The following ULK4 variants were observed in gnomAD, a reference collection of about 807,000 sequenced individuals.
The protein encoded by ULK4 is unc-51 like kinase 4.
In ULK4, 133 loss-of-function variants were observed where a neutral mutation model predicts 160.6. The ratio of observed to expected loss-of-function variants is 0.83; its 90% CI spans 0.72 to 0.96. ULK4 has a LOEUF of 0.96. ULK4 is among the 40% of genes least tolerant of loss of function. The probability of loss-of-function intolerance (pLI) is 0.00; values close to 1 mark genes in which losing one functional copy is unlikely to be tolerated. For synonymous variants in ULK4, 534 were observed against 539.8 expected (o/e 0.99, Z 0.15); for missense variants, 1,580 against 1,499.5 (o/e 1.05, Z -0.89).
chr3:41,716,985 A>C (rs2037288125), intron 23 of ULK4, among the ~76,000 whole-genome samples: 1 of 152,140 alleles, frequency 6.6e-6, no homozygotes, highest in African/African-American at 2.4e-5. Flanking sequence ...TTATTGTGGG[A>C]GTTAAAAAAT....
chr3:41,574,902 C>G (rs1321556504), intron 31 of ULK4, among the ~76,000 whole-genome samples: 1 of 151,506 alleles, frequency 6.6e-6, no homozygotes, highest in African/African-American at 2.4e-5. Flanking sequence ...GGGCTTAAAT[C>G]TGGAAGGCTG....
intron 34 of ULK4, among the ~76,000 whole-genome samples, chr3:41,438,978 T>A (rs1253366850): frequency 1.1e-3 from 143 of 134,570 alleles, no homozygotes; most frequent in African/African-American, 3.0e-3. Flanking sequence ...CAGGAAAATT[T>A]AAAAAAAAAA....
chr3:41,900,935 A>T, intron 12 of ULK4, 106 bp from the exon 13 acceptor site: 1 of 717,448 alleles, frequency 1.4e-6, no homozygotes, highest in Non-Finnish European at 2.3e-6. Flanking sequence ...AATATCACCT[A>T]TATCAATGTA....
intron 29 of ULK4, among the ~76,000 whole-genome samples, chr3:41,669,469 G>A (rs2035458699): frequency 6.6e-6 from 1 of 152,152 alleles, no homozygotes; most frequent in Non-Finnish European, 1.5e-5. Context: ...TGTTGCCCAG[G>A]CTGGTCTCAA....
chr3:41,402,618 T>C (rs1375004275), intron 34 of ULK4, among the ~76,000 whole-genome samples: 3 of 152,222 alleles, frequency 2.0e-5, no homozygotes, highest in Admixed American at 6.5e-5. Context: ...CATATGATCG[T>C]GTAATATTTA....
chr3:41,305,870 C>A (rs1234519961), intron 35 of ULK4, among the ~76,000 whole-genome samples: 4 of 143,422 alleles, frequency 2.8e-5, no homozygotes, highest in Non-Finnish European at 6.0e-5. Context: ...CTCTGCCCCC[C>A]CGCCCCGTCT....
chr3:41,958,717 A>G (rs560380460), intron 1 of ULK4, among the ~76,000 whole-genome samples: 74 of 152,060 alleles, frequency 4.9e-4, no homozygotes, highest in Non-Finnish European at 9.6e-4. Flanking sequence ...ACTGTCTCAA[A>G]AAAAAAAAAA....
At chr3:41,672,546 G>A (rs1439624190) in intron 29 of ULK4, among the ~76,000 whole-genome samples, 1 of 152,152 alleles carries the variant, frequency 6.6e-6, no homozygotes, top group Non-Finnish European at 1.5e-5. Context: ...CACTAGGGAG[G>A]ATGTATAGGT....
At chr3:41,875,345 G>A (rs1002022368) in intron 17 of ULK4, among the ~76,000 whole-genome samples, 5 of 152,070 alleles carry the variant, frequency 3.3e-5, no homozygotes, top group African/African-American at 1.2e-4. Flanking sequence ...TTGAGCCCAG[G>A]AGTTTAAGAC....
In ULK4 at chr3:41,786,370, G is replaced by A. The variant is rs553576356; in HGVS notation, c.2193+3291C>T. Among the ~76,000 whole-genome samples the A allele has an allele frequency of 4.2e-4, 64 of 152,114 alleles. 1 individual carries two copies. The highest frequency in any genetic ancestry group is 3.6e-3 in the Admixed American group (55 of 15,272). ...TAATCCCAGCACCTTGGGAGGCTGC[G>A]ACGGGGGATCACCTGAATCCAGGAG... is the stretch of plus-strand genomic sequence containing the variant. On this transcript the variant is annotated intron_variant, in intron 21 of 36. Coordinates refer to ENST00000301831, the MANE Select transcript of ULK4 (RefSeq NM_017886.4).
At position 41,844,967 on chromosome 3, in the gene ULK4, C is replaced by CT. The variant is rs201354327; in HGVS notation, c.1657-8997dup. Among the ~76,000 whole-genome samples the CT allele has an allele frequency of 1.5e-3, 217 of 143,566 alleles. 1 individual carries two copies. The highest frequency in any genetic ancestry group is 0.012 in the South Asian group (53 of 4,524). The allele number at this position is 143,566 out of a possible 152,430, so 94.2% of individuals were successfully genotyped here. A position where few individuals can be genotyped will look rare whatever the true frequency, so the allele number is the denominator to read the frequency against. ...TCAAAACTGGAAATGACCCAGATATCTTTTTTTTTTTTTTTTGAGACGGAG... is the reference window on the plus strand; with the variant it reads ...TCAAAACTGGAAATGACCCAGATATCTTTTTTTTTTTTTTTTTGAGACGGAG... On this transcript the variant is annotated intron_variant, in intron 17 of 36. Transcript: ENST00000301831.
intron 32 of ULK4, among the ~76,000 whole-genome samples, chr3:41,492,740 A>G (rs1295841090): frequency 6.6e-6 from 1 of 151,750 alleles, no homozygotes; most frequent in Non-Finnish European, 1.5e-5. Flanking sequence ...AAGATCTACC[A>G]AACAAATGGA....
chr3:41,739,654 T>A (rs1036753681), intron 22 of ULK4, among the ~76,000 whole-genome samples: 1 of 151,884 alleles, frequency 6.6e-6, no homozygotes, highest in Non-Finnish European at 1.5e-5. Flanking sequence ...AGCACATGCA[T>A]GTTCACTAAC....
intron 30 of ULK4, among the ~76,000 whole-genome samples, chr3:41,643,821 T>C (rs58262965): frequency 0.061 from 9,336 of 152,244 alleles, 967 homozygotes; most frequent in African/African-American, 0.21. Flanking sequence ...TTCCTACCCA[T>C]CAGCATGGAA....
At chr3:41,261,105 G>A (rs1002880082) in intron 35 of ULK4, among the ~76,000 whole-genome samples, 1 of 152,148 alleles carries the variant, frequency 6.6e-6, no homozygotes, top group Non-Finnish European at 1.5e-5. Flanking sequence ...GGCATTAGTA[G>A]ATGTGCGGGG....
chr3:41,736,828 C>G (rs1375797082), intron 22 of ULK4, among the ~76,000 whole-genome samples: 2 of 151,608 alleles, frequency 1.3e-5, no homozygotes, highest in East Asian at 1.9e-4. Context: ...GGTTTTAGGT[C>G]TAACGTTTAA....
intron 35 of ULK4, among the ~76,000 whole-genome samples, chr3:41,346,600 G>A (rs73831327): frequency 0.04 from 6,160 of 152,212 alleles, 308 homozygotes; most frequent in East Asian, 0.19. Context: ...TATGGAGAAA[G>A]AATTCTGCCA....
At chr3:41,399,989 T>G (rs960004203) in intron 34 of ULK4, among the ~76,000 whole-genome samples, 2 of 152,226 alleles carry the variant, frequency 1.3e-5, no homozygotes, top group African/African-American at 2.4e-5. Context: ...TTTTTATATA[T>G]GGTGTAAGTA....
At chr3:41,288,090 G>C (rs1357478355) in intron 35 of ULK4, among the ~76,000 whole-genome samples, 1 of 152,118 alleles carries the variant, frequency 6.6e-6, no homozygotes, top group Non-Finnish European at 1.5e-5. Context: ...GTGAGGATGA[G>C]AATTACACTA....
Sources: allele counts gnomAD v4.1 joint callset (sites outside exome capture counted in the v4.1 genomes callset), GRCh38; gene constraint gnomAD v4.1.1; transcripts MANE v1.5; gene names NCBI Gene and HGNC (gene_info 2026-07-23, HGNC 2026-07-21).